The following NAALADL2 variants were observed in gnomAD, a reference collection of about 807,000 sequenced individuals.
NAALADL2 encodes N-acetylated alpha-linked acidic dipeptidase like 2.
In NAALADL2, 76 loss-of-function variants were observed where a neutral mutation model predicts 87.2. That is an observed-to-expected ratio of 0.87 (90% CI 0.72 to 1.05). The LOEUF (loss-of-function observed/expected upper bound fraction) is 1.05. NAALADL2 is among the 50% of genes least tolerant of loss of function. The probability of loss-of-function intolerance (pLI) is 0.00; values close to 1 mark genes in which losing one functional copy is unlikely to be tolerated. For synonymous variants in NAALADL2, 354 were observed against 331.0 expected (o/e 1.07, Z -0.75); for missense variants, 1,089 against 945.8 (o/e 1.15, Z -1.99).
intron 5 of NAALADL2, among the ~76,000 whole-genome samples, chr3:175,326,172 G>T (rs986123886): frequency 6.6e-6 from 1 of 152,128 alleles, no homozygotes; most frequent in Non-Finnish European, 1.5e-5. Flanking sequence ...AAGCCCTACG[G>T]CATGGACACA....
chr3:174,845,564 G>A (rs1285723305), intron 3 of NAALADL2, among the ~76,000 whole-genome samples: 1 of 152,204 alleles, frequency 6.6e-6, no homozygotes, highest in Non-Finnish European at 1.5e-5. Context: ...AATCTCTCCA[G>A]TGGAGCAAGG....
chr3:174,751,982 C>A (rs915880948), intron 3 of NAALADL2, among the ~76,000 whole-genome samples: 3 of 151,420 alleles, frequency 2.0e-5, no homozygotes, highest in South Asian at 2.1e-4. Context: ...TTTTCTTTTT[C>A]TTTTTATTTT....
At chr3:175,075,292 A>G in intron 1 of NAALADL2, among the ~76,000 whole-genome samples, 1 of 152,158 alleles carries the variant, frequency 6.6e-6, no homozygotes, top group East Asian at 1.9e-4. Context: ...TTTATGTTAT[A>G]CTTATTGTAA....
chr3:174,699,815 T>C (rs1192237160), intron 2 of NAALADL2, among the ~76,000 whole-genome samples: 2 of 150,830 alleles, frequency 1.3e-5, no homozygotes, highest in East Asian at 4.0e-4. Context: ...TGTGGAACAT[T>C]TAAGGCCCTC....
At chr3:174,906,478 A>C (rs1391999100) in intron 1 of NAALADL2, among the ~76,000 whole-genome samples, 2 of 152,136 alleles carry the variant, frequency 1.3e-5, no homozygotes, top group African/African-American at 4.8e-5. Flanking sequence ...CACTTGTTCC[A>C]AGGGAAGTCA....
chr3:174,893,934 T>C (rs1731180663), intron 1 of NAALADL2, among the ~76,000 whole-genome samples: 1 of 152,040 alleles, frequency 6.6e-6, no homozygotes, highest in Non-Finnish European at 1.5e-5. Flanking sequence ...CCCAAATGGA[T>C]TTACAAAAAC....
intron 12 of NAALADL2, among the ~76,000 whole-genome samples, chr3:175,744,565 CTGTT>C (rs1188659143): frequency 8.5e-5 from 13 of 152,182 alleles, no homozygotes; most frequent in South Asian, 4.1e-4. Flanking sequence ...CTGTGTGTGA[CTGTT>C]TGATAAAATT....
At chr3:175,026,546 T>C (rs887581432) in intron 1 of NAALADL2, among the ~76,000 whole-genome samples, 2 of 150,566 alleles carry the variant, frequency 1.3e-5, no homozygotes, top group African/African-American at 4.9e-5. Context: ...TCCCAACTAC[T>C]TGGGAGGCTG....
chr3:175,694,459 G>GAA (rs1737468871), intron 11 of NAALADL2, among the ~76,000 whole-genome samples: 1 of 152,150 alleles, frequency 6.6e-6, no homozygotes, highest in African/African-American at 2.4e-5. Flanking sequence ...TCCTTGATGT[G>GAA]AAGATACTGA....
chr3:175,696,178 T>C (rs917654096), intron 11 of NAALADL2, among the ~76,000 whole-genome samples: 2 of 152,184 alleles, frequency 1.3e-5, no homozygotes, highest in African/African-American at 4.8e-5. Flanking sequence ...CAAAAACGTT[T>C]ATGTAATATA....
intron 11 of NAALADL2, among the ~76,000 whole-genome samples, chr3:175,735,860 C>A (rs1372349035): frequency 6.6e-6 from 1 of 152,122 alleles, no homozygotes; most frequent in Admixed American, 6.5e-5. Flanking sequence ...TATATAACAT[C>A]ATAATTTCCT....
intron 5 of NAALADL2, among the ~76,000 whole-genome samples, chr3:175,355,637 C>A (rs1014055492): frequency 7.2e-5 from 11 of 152,156 alleles, no homozygotes; most frequent in African/African-American, 2.7e-4. Context: ...TATTTAAACA[C>A]AGAAATCCTG....
chr3:175,521,838 T>C (rs1294968495), intron 9 of NAALADL2, among the ~76,000 whole-genome samples: 1 of 152,178 alleles, frequency 6.6e-6, no homozygotes, highest in African/African-American at 2.4e-5. Flanking sequence ...AGACAATGAA[T>C]GTCAGTTGTT....
At chr3:174,530,014 T>G (rs1052011719) in intron 1 of NAALADL2, among the ~76,000 whole-genome samples, 1 of 152,186 alleles carries the variant, frequency 6.6e-6, no homozygotes, top group Non-Finnish European at 1.5e-5. Context: ...TGCAGCCGGC[T>G]TGAATTTCTT....
intron 11 of NAALADL2, among the ~76,000 whole-genome samples, chr3:175,639,505 A>G (rs1179436671): frequency 6.6e-6 from 1 of 151,694 alleles, no homozygotes; most frequent in East Asian, 1.9e-4. Flanking sequence ...TATTTTTAGT[A>G]GATACGGGGT....
chr3:174,453,456 G>A (rs1715620390), intron 1 of NAALADL2, among the ~76,000 whole-genome samples: 1 of 152,034 alleles, frequency 6.6e-6, no homozygotes, highest in African/African-American at 2.4e-5. Context: ...CATCCCCAAA[G>A]TACTTAATCA....
intron 2 of NAALADL2, among the ~76,000 whole-genome samples, chr3:175,147,329 G>A (rs944614749): frequency 2.0e-5 from 3 of 152,054 alleles, no homozygotes; most frequent in Admixed American, 6.6e-5. Flanking sequence ...TTATAAGTGA[G>A]AACATGCCGT....
chr3:174,689,616 T>A (rs1212091287), intron 2 of NAALADL2, among the ~76,000 whole-genome samples: 1 of 151,984 alleles, frequency 6.6e-6, no homozygotes, highest in Non-Finnish European at 1.5e-5. Context: ...ATATTATAGT[T>A]TGCGAAGGGC....
intron 9 of NAALADL2, among the ~76,000 whole-genome samples, chr3:175,503,388 A>T (rs1008136103): frequency 1.9e-4 from 29 of 152,192 alleles, no homozygotes; most frequent in African/African-American, 6.8e-4. Context: ...TGAAATGAAC[A>T]TACATATGCA....
Sources: gnomAD v4.1 joint callset for allele counts (sites outside exome capture counted in the v4.1 genomes callset) on GRCh38, gnomAD v4.1.1 for gene constraint, MANE v1.5 for transcripts, NCBI Gene and HGNC (gene_info 2026-07-23, HGNC 2026-07-21) for gene names.